SLC39A11: variants seen among roughly 807,000 people sequenced by gnomAD.
SLC39A11 encodes solute carrier family 39 member 11.
Under a neutral mutation model 36.1 loss-of-function variants are expected in SLC39A11, and 33 were observed. The ratio of observed to expected loss-of-function variants is 0.91; its 90% CI spans 0.69 to 1.22. The LOEUF (loss-of-function observed/expected upper bound fraction) is 1.22, where lower values mean the gene tolerates loss of function less well. Ranked by LOEUF, SLC39A11 falls within the 50% of genes most tolerant of loss-of-function variation. SLC39A11 has a pLI of 0.00. For missense variants in SLC39A11, 432 were observed against 430.3 expected (o/e 1.00, Z -0.03); for synonymous variants, 166 against 170.3 (o/e 0.97, Z 0.20).
intron 4 of SLC39A11, among the ~76,000 whole-genome samples, chr17:72,974,514 GA>G (rs1396095982): frequency 6.6e-6 from 1 of 150,540 alleles, no homozygotes; most frequent in Non-Finnish European, 1.5e-5. Flanking sequence ...TATCAAACAA[GA>G]AAATACCTTT....
Position 72,877,816 on chromosome 17 carries a change from T to TATG in SLC39A11, c.431-28013_431-28012insCAT, listed in dbSNP as rs574485931. Among the ~76,000 whole-genome samples the TATG allele has an allele frequency of 2.6e-3, 386 of 150,466 alleles. 3 individuals are homozygous for TATG. Among genetic ancestry groups the TATG allele is most frequent in the African/African-American group, 9.0e-3 (372 of 41,228 alleles). On this transcript the variant is annotated intron_variant, in intron 5 of 9. Transcript: ENST00000255559. ...TCATTTTTATTTTTTTATTTTTATTTATTATTATTATTATTATTATACTTT... is the reference window on the plus strand; with the variant it reads ...TCATTTTTATTTTTTTATTTTTATTTATGATTATTATTATTATTATTATACTTT...
At chr17:72,818,731 G>T (rs1162544549) in intron 6 of SLC39A11, 3 of 152,064 alleles carry the variant, frequency 2.0e-5, no homozygotes, top group Non-Finnish European at 2.9e-5. Flanking sequence ...GAAATTACCT[G>T]TCCCTCCCAG....
intron 4 of SLC39A11, among the ~76,000 whole-genome samples, chr17:73,012,041 G>A (rs932226596): frequency 1.3e-4 from 20 of 150,918 alleles, no homozygotes; most frequent in South Asian, 6.4e-4. Flanking sequence ...TTGGGAGGCC[G>A]AGGCGTGTAG....
chr17:73,003,142 G>C (rs911212040), intron 4 of SLC39A11, among the ~76,000 whole-genome samples: 1 of 152,148 alleles, frequency 6.6e-6, no homozygotes, highest in Non-Finnish European at 1.5e-5. Flanking sequence ...CCTGCTGCTG[G>C]GGCTTCCCAA....
intron 5 of SLC39A11, among the ~76,000 whole-genome samples, chr17:72,899,007 C>T (rs1414876000): frequency 6.8e-6 from 1 of 146,780 alleles, no homozygotes; most frequent in Non-Finnish European, 1.5e-5. Context: ...ACTTGACCGA[C>T]CCCCATCAGC....
At chr17:72,990,351 C>T (rs2148284072) in intron 4 of SLC39A11, among the ~76,000 whole-genome samples, 1 of 152,324 alleles carries the variant, frequency 6.6e-6, no homozygotes, top group East Asian at 1.9e-4. Flanking sequence ...AAAAAACCCC[C>T]AGGAAGGGTT....
intron 5 of SLC39A11, among the ~76,000 whole-genome samples, chr17:72,854,222 G>A (rs2079519784): frequency 6.6e-6 from 1 of 151,662 alleles, no homozygotes; most frequent in Non-Finnish European, 1.5e-5. Context: ...CACACAGCCA[G>A]TCTGCAGTGG....
intron 7 of SLC39A11, among the ~76,000 whole-genome samples, chr17:72,735,562 TTA>T (rs1193636615): frequency 6.6e-6 from 1 of 152,046 alleles, no homozygotes; most frequent in East Asian, 1.9e-4. Flanking sequence ...CTGCACTGAG[TTA>T]TGTTTTAAAA....
chr17:72,874,542 T>G (rs1392085752), intron 5 of SLC39A11, among the ~76,000 whole-genome samples: 1 of 152,230 alleles, frequency 6.6e-6, no homozygotes, highest in Non-Finnish European at 1.5e-5. Flanking sequence ...TTCAAGGTCC[T>G]ATAATCTTCT....
chr17:72,972,161 CA>C (rs1225834328), intron 4 of SLC39A11, among the ~76,000 whole-genome samples: 2 of 152,182 alleles, frequency 1.3e-5, no homozygotes, highest in East Asian at 3.8e-4. Flanking sequence ...TGAATAAAAG[CA>C]TATCCCACAG....
At chr17:72,883,265 C>A (rs550977698) in intron 5 of SLC39A11, among the ~76,000 whole-genome samples, 2 of 152,296 alleles carry the variant, frequency 1.3e-5, no homozygotes, top group Admixed American at 1.3e-4. Flanking sequence ...CACATGTGCA[C>A]TGGAGTCTAC....
intron 7 of SLC39A11, among the ~76,000 whole-genome samples, chr17:72,701,591 G>A (rs1006873171): frequency 1.3e-5 from 2 of 152,028 alleles, no homozygotes; most frequent in South Asian, 4.2e-4. Flanking sequence ...AGCCAGGTGT[G>A]GTGGTGCATG....
At chr17:72,773,779 A>T (rs562548024) in intron 6 of SLC39A11, among the ~76,000 whole-genome samples, 2 of 152,274 alleles carry the variant, frequency 1.3e-5, no homozygotes, top group East Asian at 3.9e-4. Flanking sequence ...CCATTAAAAT[A>T]CAACATAAAT....
chr17:72,997,831 G>A (rs1429490318), intron 4 of SLC39A11, among the ~76,000 whole-genome samples: 5 of 152,130 alleles, frequency 3.3e-5, no homozygotes, highest in Non-Finnish European at 4.4e-5. Flanking sequence ...ACTTCATGGT[G>A]CTTTTGTGGA....
intron 5 of SLC39A11, among the ~76,000 whole-genome samples, chr17:72,875,240 A>G (rs75293914): frequency 0.011 from 1,665 of 152,356 alleles, 33 homozygotes; most frequent in African/African-American, 0.039. Context: ...AAATATTCCA[A>G]TTAATTCATC....
At chr17:72,916,678 C>A (rs554552681) in intron 5 of SLC39A11, among the ~76,000 whole-genome samples, 2 of 152,124 alleles carry the variant, frequency 1.3e-5, no homozygotes, top group African/African-American at 4.8e-5. Flanking sequence ...TGGCCAAGTT[C>A]GAGAGATACA....
chr17:72,919,147 C>T (rs776937602), intron 5 of SLC39A11, among the ~76,000 whole-genome samples: 8 of 152,126 alleles, frequency 5.3e-5, no homozygotes, highest in African/African-American at 9.7e-5. Context: ...TGCCTCTCCA[C>T]GTGATTCATT....
chr17:72,693,251 G>A (rs918447776), intron 7 of SLC39A11, among the ~76,000 whole-genome samples: 1 of 116,318 alleles, frequency 8.6e-6, no homozygotes, highest in Admixed American at 1.2e-4. Context: ...GTCCCAGGAA[G>A]CTGTGTGAGA....
In SLC39A11 at chr17:73,088,637, A is replaced by G. The variant is rs2060821029; in HGVS notation, c.108+20T>C. On this transcript the variant is annotated intron_variant, in intron 2 of 9. Coordinates refer to ENST00000255559, the MANE Select transcript of SLC39A11 (RefSeq NM_139177.4). ...AACGGGCTCCCCACCAACATCCAGA[A>G]CCAAAGCAAGGCAACTCACCTGTCC... 2 of 1,600,548 alleles carry G rather than the reference A, an allele frequency of 1.2e-6. No individual in the cohort carries two copies. Among genetic ancestry groups the G allele is most frequent in the South Asian group, 2.2e-5 (2 of 89,242 alleles).
Sources: gnomAD v4.1 joint callset for allele counts (sites outside exome capture counted in the v4.1 genomes callset) on GRCh38, gnomAD v4.1.1 for gene constraint, MANE v1.5 for transcripts, NCBI Gene and HGNC (gene_info 2026-07-23, HGNC 2026-07-21) for gene names.